Variants in GLCCI1 observed in about 807,000 individuals in gnomAD.
GLCCI1 encodes the protein glucocorticoid-induced transcript 1 protein.
GLCCI1 carries 24 observed loss-of-function variants against 52.2 expected under a neutral mutation model. The ratio of observed to expected loss-of-function variants is 0.46; its 90% CI spans 0.33 to 0.65. GLCCI1 has a LOEUF of 0.65. Among genes scored for constraint, GLCCI1 ranks in the 30% least tolerant of loss-of-function variants. The probability of loss-of-function intolerance (pLI) is 0.02; values close to 1 mark genes in which losing one functional copy is unlikely to be tolerated. For synonymous variants in GLCCI1, 310 were observed against 276.5 expected, an observed-to-expected ratio of 1.12 and a Z score of -1.20; for missense variants, 704 against 701.5, an observed-to-expected ratio of 1.00 and a Z score of -0.04.
intron 3 of GLCCI1, among the ~76,000 whole-genome samples, chr7:8,042,070 C>G (rs77471511): frequency 0.023 from 3,498 of 152,282 alleles, 51 homozygotes; most frequent in Middle Eastern, 0.065. Flanking sequence ...TGGGGACATA[C>G]TGCTCAAAAA....
chr7:7,969,289 C>A lies in GLCCI1; in HGVS notation c.-62C>A. ...ACTATCGCGCCGGCTCCCACACGCT[C>A]GCGCGCCTCCCGCCCCGCGCCTCCG... is the stretch of plus-strand genomic sequence containing the variant. On this transcript the variant is annotated 5_prime_UTR_variant, in exon 1 of 8. Transcript: ENST00000223145. This position sits in a 1 kb window ranked among gnomAD's most constrained non-coding sequence, Gnocchi z 4.9. The A allele has an allele frequency of 7.6e-7, 1 of 1,319,312 alleles. No homozygotes were observed. The highest frequency in any genetic ancestry group is 1.5e-5 in the South Asian group (1 of 68,598). The allele number at this position is 1,319,312 out of a possible 1,614,324, so 81.7% of individuals were successfully genotyped here. A position where few individuals can be genotyped will look rare whatever the true frequency, so the allele number is the denominator to read the frequency against.
At chr7:8,005,591 T>C (rs750279149) in intron 2 of GLCCI1, among the ~76,000 whole-genome samples, 13 of 152,280 alleles carry the variant, frequency 8.5e-5, no homozygotes, top group Middle Eastern at 6.8e-3. Context: ...GGCTAATCTG[T>C]TAACCAATAT....
intron 3 of GLCCI1, among the ~76,000 whole-genome samples, chr7:8,040,646 A>C (rs967534241): frequency 6.6e-6 from 1 of 152,148 alleles, no homozygotes; most frequent in Non-Finnish European, 1.5e-5. Context: ...TTAGGAATAT[A>C]AAGTGGTACA....
At chr7:8,061,689 CAG>C (rs1279611437) in intron 5 of GLCCI1, among the ~76,000 whole-genome samples, 1 of 79,888 alleles carries the variant, frequency 1.3e-5, no homozygotes, top group African/African-American at 5.4e-5. Context: ...TTTTTTGAGA[CAG>C]GGTCTCGTTC....
intron 3 of GLCCI1, among the ~76,000 whole-genome samples, chr7:8,046,695 G>A (rs186113934): frequency 1.3e-5 from 2 of 152,274 alleles, no homozygotes; most frequent in Admixed American, 6.5e-5. Flanking sequence ...TATCTCAAAT[G>A]TATTTGATTG....
At chr7:8,050,038 C>A (rs1322798655) in intron 3 of GLCCI1, among the ~76,000 whole-genome samples, 1 of 152,054 alleles carries the variant, frequency 6.6e-6, no homozygotes, top group Non-Finnish European at 1.5e-5. Context: ...AAAAATTCTT[C>A]CAAAGCTAGC....
chr7:8,083,772 T>C (rs1427242553), intron 6 of GLCCI1, among the ~76,000 whole-genome samples: 1 of 152,206 alleles, frequency 6.6e-6, no homozygotes, highest in Non-Finnish European at 1.5e-5. Context: ...TAAGCATAAA[T>C]CTGCATTCAC....
intron 3 of GLCCI1, among the ~76,000 whole-genome samples, chr7:8,040,169 T>C (rs1781967682): frequency 1.3e-5 from 2 of 152,100 alleles, no homozygotes; most frequent in South Asian, 4.1e-4. Flanking sequence ...CATCATTCAT[T>C]AGTCATTAGG....
chr7:8,028,902 T>C (rs768337812), intron 3 of GLCCI1, among the ~76,000 whole-genome samples: 3 of 152,052 alleles, frequency 2.0e-5, no homozygotes, highest in African/African-American at 7.2e-5. Context: ...GACAGAATCA[T>C]GAAGAAATCC....
chr7:8,012,185 G>C (rs1163126014), intron 2 of GLCCI1, among the ~76,000 whole-genome samples: 3 of 151,848 alleles, frequency 2.0e-5, no homozygotes, highest in African/African-American at 7.3e-5. Flanking sequence ...TAGTCAACCT[G>C]GTATCTTACT....
At chr7:8,022,459 T>C (rs1480034690) in intron 2 of GLCCI1, 24 bp from the exon 3 acceptor site, 2 of 1,305,854 alleles carry the variant, frequency 1.5e-6, no homozygotes, top group East Asian at 5.9e-5. Flanking sequence ...TTTCTTATTT[T>C]ATTTATATAT....
chr7:8,008,851 G>A (rs1028335806), intron 2 of GLCCI1, among the ~76,000 whole-genome samples: 4 of 151,978 alleles, frequency 2.6e-5, no homozygotes, highest in East Asian at 1.9e-4. Flanking sequence ...AGAGCAAAAT[G>A]TTATTTAGAG....
At chr7:7,994,736 A>G (rs780740767) in intron 1 of GLCCI1, among the ~76,000 whole-genome samples, 2 of 152,216 alleles carry the variant, frequency 1.3e-5, no homozygotes, top group African/African-American at 2.4e-5. Flanking sequence ...GTTAAAATCT[A>G]TTCTGCCAGC....
intron 2 of GLCCI1, among the ~76,000 whole-genome samples, chr7:8,021,466 G>A (rs1781485159): frequency 6.6e-6 from 1 of 152,094 alleles, no homozygotes; most frequent in Non-Finnish European, 1.5e-5. Flanking sequence ...AGGCTGGAGT[G>A]CAATGACACA....
chr7:7,994,223 C>T (rs1780897553), intron 1 of GLCCI1, among the ~76,000 whole-genome samples: 1 of 152,080 alleles, frequency 6.6e-6, no homozygotes, highest in Non-Finnish European at 1.5e-5. Flanking sequence ...CACTGCACTC[C>T]AGCCTGGGTG....
At chr7:7,994,557 C>G (rs1323270638) in intron 1 of GLCCI1, among the ~76,000 whole-genome samples, 1 of 152,168 alleles carries the variant, frequency 6.6e-6, no homozygotes, top group Non-Finnish European at 1.5e-5. Flanking sequence ...CTAATAACAA[C>G]CTGCTCTTGT....
At chr7:8,065,404 C>T (rs1487256179) in intron 5 of GLCCI1, among the ~76,000 whole-genome samples, 1 of 152,144 alleles carries the variant, frequency 6.6e-6, no homozygotes, top group Non-Finnish European at 1.5e-5. Context: ...ATTTCTTTCT[C>T]TTGCCTCATT....
At chr7:8,015,388 T>A (rs1312384049) in intron 2 of GLCCI1, among the ~76,000 whole-genome samples, 1 of 152,236 alleles carries the variant, frequency 6.6e-6, no homozygotes, top group Non-Finnish European at 1.5e-5. Flanking sequence ...TTGAAATATA[T>A]TTAAGAAACA....
At chr7:8,065,210 G>A (rs1487641206) in intron 5 of GLCCI1, among the ~76,000 whole-genome samples, 1 of 152,026 alleles carries the variant, frequency 6.6e-6, no homozygotes, top group African/African-American at 2.4e-5. Context: ...TCTCAGCTTC[G>A]ATATTGTTAG....
Sources: allele counts gnomAD v4.1 joint callset (sites outside exome capture counted in the v4.1 genomes callset), GRCh38; gene constraint gnomAD v4.1.1; non-coding constraint Gnocchi (gnomAD v3.1); transcripts MANE v1.5; gene names NCBI Gene and HGNC (gene_info 2026-07-23, HGNC 2026-07-21).